The following PACRG variants were observed in gnomAD, a reference collection of about 807,000 sequenced individuals.
PACRG encodes the protein parkin coregulated gene protein.
PACRG carries 29 observed loss-of-function variants against 29.7 expected under a neutral mutation model. That is an observed-to-expected ratio of 0.98 (90% CI 0.73 to 1.33). The LOEUF (loss-of-function observed/expected upper bound fraction) is 1.33. Ranked by LOEUF, PACRG falls within the 40% of genes most tolerant of loss-of-function variation. The pLI, the probability that PACRG is intolerant of heterozygous loss-of-function variation, is 0.00. For synonymous variants in PACRG, 116 were observed against 118.7 expected, an observed-to-expected ratio of 0.98 and a Z score of 0.15; for missense variants, 279 against 316.2, an observed-to-expected ratio of 0.88 and a Z score of 0.89.
At position 162,823,741 on chromosome 6, in the gene PACRG, C is replaced by T. The variant is rs371839131; in HGVS notation, c.291+9460C>T. Among the ~76,000 whole-genome samples the T allele has an allele frequency of 7.8e-4, 119 of 152,200 alleles. No individual in the cohort carries two copies. In the East Asian group the frequency reaches 0.012, roughly 15 times the overall value. ...TGTTAGCCAAGATGGTCTCGATCTCCTGACCTCGTGATCCGCCTGCCTAGG... is the reference window on the plus strand; with the variant it reads ...TGTTAGCCAAGATGGTCTCGATCTCTTGACCTCGTGATCCGCCTGCCTAGG... On this transcript the variant is annotated intron_variant, in intron 2 of 4. Coordinates refer to ENST00000366888, the MANE Select transcript of PACRG (RefSeq NM_001080379.2).
intron 2 of PACRG, among the ~76,000 whole-genome samples, chr6:162,852,016 G>GA (rs1554291968): frequency 4.9e-5 from 7 of 141,914 alleles, no homozygotes; most frequent in African/African-American, 1.7e-4. Context: ...AGGAAGGAAG[G>GA]AAGGAAGGAA....
intron 2 of PACRG, among the ~76,000 whole-genome samples, chr6:162,940,697 C>T (rs1798556734): frequency 6.6e-6 from 1 of 152,174 alleles, no homozygotes; most frequent in South Asian, 2.1e-4. Context: ...TTCTCACCAG[C>T]AGCAGGGGCA....
At chr6:163,242,703 A>G (rs184324777) in intron 4 of PACRG, among the ~76,000 whole-genome samples, 1 of 152,364 alleles carries the variant, frequency 6.6e-6, no homozygotes, top group African/African-American at 2.4e-5. Context: ...AGAAAAATTA[A>G]ATATGTGTAA....
At chr6:163,127,812 G>C (rs115979118) in intron 4 of PACRG, among the ~76,000 whole-genome samples, 1 of 152,142 alleles carries the variant, frequency 6.6e-6, no homozygotes, top group Admixed American at 6.5e-5. Flanking sequence ...AGCTCAGAGT[G>C]CACAGTTTAG....
At chr6:163,290,059 C>T (rs1191875086) in intron 4 of PACRG, among the ~76,000 whole-genome samples, 11 of 151,912 alleles carry the variant, frequency 7.2e-5, no homozygotes, top group African/African-American at 2.2e-4. Context: ...TTATAATGAC[C>T]ACGTTAGTCA....
intron 4 of PACRG, among the ~76,000 whole-genome samples, chr6:163,222,215 G>T (rs1268499174): frequency 6.6e-6 from 1 of 152,214 alleles, no homozygotes. Context: ...ACAAGAAGCA[G>T]GTTGGAATTC....
chr6:162,882,383 C>T (rs950192690), intron 2 of PACRG, among the ~76,000 whole-genome samples: 6 of 150,302 alleles, frequency 4.0e-5, no homozygotes, highest in East Asian at 2.0e-4. Context: ...CCTGGGGCAC[C>T]GTCCACCAAG....
chr6:163,240,123 G>A (rs1782437280), intron 4 of PACRG, among the ~76,000 whole-genome samples: 1 of 151,982 alleles, frequency 6.6e-6, no homozygotes, highest in South Asian at 2.1e-4. Context: ...TCGCGCACAT[G>A]CTATTCCCAG....
At chr6:163,311,437 A>G (rs1345795478) in intron 4 of PACRG, among the ~76,000 whole-genome samples, 1 of 152,212 alleles carries the variant, frequency 6.6e-6, no homozygotes, top group Non-Finnish European at 1.5e-5. Context: ...TTAATGTCCT[A>G]TTCTCACAAA....
chr6:162,854,565 A>C (rs1289687332), intron 2 of PACRG, among the ~76,000 whole-genome samples: 4 of 152,168 alleles, frequency 2.6e-5, no homozygotes, highest in African/African-American at 9.7e-5. Context: ...GACTGACTTT[A>C]TTTCTCTCCA....
intron 4 of PACRG, among the ~76,000 whole-genome samples, chr6:163,124,480 A>C (rs963668573): frequency 1.3e-5 from 2 of 152,260 alleles, no homozygotes; most frequent in Admixed American, 1.3e-4. Context: ...GACCTTGGGC[A>C]CGTGAACAAA....
At chr6:162,947,944 T>A (rs9347711) in intron 2 of PACRG, among the ~76,000 whole-genome samples, 79,126 of 151,498 alleles carry the variant, frequency 0.52, 21,563 homozygotes, top group Middle Eastern at 0.69. Context: ...ATTGGAATAA[T>A]TAATATTGTT....
At chr6:163,135,201 T>A (rs80241492) in intron 4 of PACRG, among the ~76,000 whole-genome samples, 1,894 of 145,740 alleles carry the variant, frequency 0.013, 46 homozygotes, top group African/African-American at 0.047. Flanking sequence ...TTTTTTTTTT[T>A]AATTTTAGAC....
At chr6:163,219,023 C>T (rs964617729) in intron 4 of PACRG, among the ~76,000 whole-genome samples, 9 of 152,252 alleles carry the variant, frequency 5.9e-5, no homozygotes, top group Admixed American at 2.6e-4. Flanking sequence ...TGTCCAGCAA[C>T]CCTATTCTAG....
chr6:163,061,800 T>G (rs1283492467), intron 2 of PACRG, among the ~76,000 whole-genome samples: 1 of 152,208 alleles, frequency 6.6e-6, no homozygotes, highest in African/African-American at 2.4e-5. Context: ...TACGTGGATC[T>G]TTTCAGCAAA....
chr6:163,093,186 C>A (rs1175426496), intron 4 of PACRG, among the ~76,000 whole-genome samples: 1 of 152,182 alleles, frequency 6.6e-6, no homozygotes, highest in East Asian at 1.9e-4. Context: ...AAACCTCTTT[C>A]CAGCACAGAC....
At chr6:163,153,608 A>G (rs1198056828) in intron 4 of PACRG, among the ~76,000 whole-genome samples, 2 of 152,246 alleles carry the variant, frequency 1.3e-5, no homozygotes, top group African/African-American at 4.8e-5. Context: ...AATTTGAAGC[A>G]TCCAAAATGA....
chr6:163,167,264 A>G (rs963581923), intron 4 of PACRG, among the ~76,000 whole-genome samples: 2 of 152,226 alleles, frequency 1.3e-5, no homozygotes, highest in African/African-American at 4.8e-5. Flanking sequence ...TAGAATTTTT[A>G]TTTCCTATAT....
intron 2 of PACRG, among the ~76,000 whole-genome samples, chr6:162,938,229 T>G (rs1410929416): frequency 6.6e-6 from 1 of 152,244 alleles, no homozygotes; most frequent in African/African-American, 2.4e-5. Context: ...TGCCATTAAT[T>G]CATTCCTTTT....
Sources: gnomAD v4.1 joint callset for allele counts (sites outside exome capture counted in the v4.1 genomes callset) on GRCh38, gnomAD v4.1.1 for gene constraint, MANE v1.5 for transcripts, NCBI Gene and HGNC (gene_info 2026-07-23, HGNC 2026-07-21) for gene names.